The following MINDY3 variants were observed in gnomAD, a reference collection of about 807,000 sequenced individuals.
MINDY3 encodes ubiquitin carboxyl-terminal hydrolase MINDY-3.
Under a neutral mutation model 69.2 loss-of-function variants are expected in MINDY3, and 38 were observed. That is an observed-to-expected ratio of 0.55 (90% CI 0.42 to 0.72). MINDY3 has a LOEUF of 0.72. Among genes scored for constraint, MINDY3 ranks in the 30% least tolerant of loss-of-function variants. The probability of loss-of-function intolerance (pLI) is 0.00; values close to 1 mark genes in which losing one functional copy is unlikely to be tolerated. For synonymous variants in MINDY3, 192 were observed against 180.1 expected (o/e 1.07, Z -0.53); for missense variants, 522 against 519.0 (o/e 1.01, Z -0.06).
At chr10:15,821,762 CTT>C in intron 8 of MINDY3, 36 bp from the exon 9 acceptor site, 1 of 1,563,462 alleles carries the variant, frequency 6.4e-7, no homozygotes. Flanking sequence ...AAAACGAAAA[CTT>C]AGCATTGTAG....
intron 4 of MINDY3, among the ~76,000 whole-genome samples, chr10:15,838,999 C>A (rs114700410): frequency 6.6e-6 from 1 of 151,566 alleles, no homozygotes; most frequent in Admixed American, 6.6e-5. Context: ...ACAGAAAAAT[C>A]CTCTCAAGAG....
intron 9 of MINDY3, among the ~76,000 whole-genome samples, chr10:15,818,530 T>G (rs1164554221): frequency 2.0e-5 from 3 of 152,094 alleles, no homozygotes; most frequent in East Asian, 3.8e-4. Context: ...AATAAAAACA[T>G]GTACACAAAA....
intron 1 of MINDY3, among the ~76,000 whole-genome samples, chr10:15,854,937 C>G (rs186258136): frequency 6.6e-6 from 1 of 152,226 alleles, no homozygotes; most frequent in East Asian, 1.9e-4. Context: ...TTGGCCAGCT[C>G]TTCTACTGAG....
At chr10:15,833,395 G>T (rs182400536) in intron 8 of MINDY3, among the ~76,000 whole-genome samples, 11 of 152,184 alleles carry the variant, frequency 7.2e-5, no homozygotes, top group Non-Finnish European at 1.5e-4. Context: ...AAAATGAAAG[G>T]CCTGAGAAGT....
chr10:15,805,229 C>G (rs1212599453), intron 10 of MINDY3, among the ~76,000 whole-genome samples: 2 of 152,128 alleles, frequency 1.3e-5, no homozygotes, highest in Non-Finnish European at 2.9e-5. Flanking sequence ...TTATTCATGA[C>G]AGCAGATTGC....
chr10:15,818,217 C>G (rs1839507094), intron 9 of MINDY3, among the ~76,000 whole-genome samples: 1 of 151,974 alleles, frequency 6.6e-6, no homozygotes, highest in Non-Finnish European at 1.5e-5. Flanking sequence ...TCTATCTACT[C>G]TGATGGATTT....
chr10:15,816,282 G>GAAAAAAAAAAAAAAAAAAAAAAAAAAAA (rs1421619763), intron 10 of MINDY3, among the ~76,000 whole-genome samples: 2 of 108,512 alleles, frequency 1.8e-5, no homozygotes, highest in African/African-American at 1.2e-4. Context: ...AAAAAAAAAT[G>GAAAAAAAAAAAAAAAAAAAAAAAAAAAA]AAAAAGAAAA....
intron 10 of MINDY3, among the ~76,000 whole-genome samples, chr10:15,798,592 C>T (rs2131893521): frequency 6.6e-6 from 1 of 151,798 alleles, no homozygotes; most frequent in East Asian, 1.9e-4. Context: ...CCAGACTGGC[C>T]AACATGGTGA....
At chr10:15,844,427 T>C (rs1421723429) in intron 2 of MINDY3, among the ~76,000 whole-genome samples, 1 of 152,186 alleles carries the variant, frequency 6.6e-6, no homozygotes, top group Non-Finnish European at 1.5e-5. Context: ...TTTTAATATC[T>C]AGTTTTAATT....
chr10:15,827,760 T>G (rs1191877024), intron 8 of MINDY3, among the ~76,000 whole-genome samples: 1 of 152,006 alleles, frequency 6.6e-6, no homozygotes, highest in Non-Finnish European at 1.5e-5. Context: ...AAGAGGTAAT[T>G]CACAGAAGAA....
intron 1 of MINDY3, among the ~76,000 whole-genome samples, chr10:15,850,035 C>T (rs571976958): frequency 4.3e-4 from 65 of 152,304 alleles, no homozygotes; most frequent in African/African-American, 1.5e-3. Flanking sequence ...GTGAAGATTT[C>T]ATGGACATTT....
chr10:15,848,644 AAAAAAAAAAAAAAAAAAAG>A (rs1179202115), intron 1 of MINDY3, among the ~76,000 whole-genome samples: 1 of 141,444 alleles, frequency 7.1e-6, no homozygotes, highest in South Asian at 2.3e-4. Flanking sequence ...AAAAAAAAAA[AAAAAAAAAAAAAAAAAAAG>A]AAAGAAAAAT....
At chr10:15,780,232 G>A (rs559474681) in intron 14 of MINDY3, among the ~76,000 whole-genome samples, 3 of 152,248 alleles carry the variant, frequency 2.0e-5, no homozygotes, top group African/African-American at 7.2e-5. Context: ...TATATTACTA[G>A]ATCAGATAAT....
intron 14 of MINDY3, 33 bp downstream of exon 14, chr10:15,782,122 G>C (rs369350483): frequency 1.3e-6 from 2 of 1,485,120 alleles, no homozygotes; most frequent in Non-Finnish European, 1.9e-6. Context: ...CATCAACCCA[G>C]TTGAACACCG....
intron 2 of MINDY3, among the ~76,000 whole-genome samples, chr10:15,845,760 G>T (rs1833788919): frequency 6.8e-6 from 1 of 147,194 alleles, no homozygotes; most frequent in African/African-American, 2.5e-5. Context: ...TCTTCCCTCA[G>T]CCTCCCAAAG....
chr10:15,828,246 A>G (rs1280403172), intron 8 of MINDY3, among the ~76,000 whole-genome samples: 8 of 152,228 alleles, frequency 5.3e-5, no homozygotes. Context: ...ATCAATAAAG[A>G]GGAGTGAAGT....
intron 10 of MINDY3, among the ~76,000 whole-genome samples, chr10:15,811,289 G>C (rs1838979974): frequency 6.6e-6 from 1 of 152,042 alleles, no homozygotes; most frequent in Non-Finnish European, 1.5e-5. Flanking sequence ...TTAAAACTTA[G>C]CCAATATACT....
At chr10:15,820,265 T>C (rs1196175744) in intron 9 of MINDY3, among the ~76,000 whole-genome samples, 1 of 152,092 alleles carries the variant, frequency 6.6e-6, no homozygotes, top group Non-Finnish European at 1.5e-5. Flanking sequence ...CAGCAAGCAC[T>C]GGAGAGGGCT....
At chr10:15,841,309 G>C in intron 4 of MINDY3, 117 bp downstream of exon 4, 1 of 772,064 alleles carries the variant, frequency 1.3e-6, no homozygotes, top group Non-Finnish European at 2.0e-6. Flanking sequence ...TTAAGCTTAA[G>C]CTGGAAAAGA....
Sources: allele counts gnomAD v4.1 joint callset (sites outside exome capture counted in the v4.1 genomes callset), GRCh38; gene constraint gnomAD v4.1.1; transcripts MANE v1.5; gene names NCBI Gene and HGNC (gene_info 2026-07-23, HGNC 2026-07-21).